The following VCAN variants were observed in gnomAD, a reference collection of about 807,000 sequenced individuals.
VCAN encodes the protein versican, also known as versican core protein.
Under a neutral mutation model 245.5 loss-of-function variants are expected in VCAN, and 44 were observed. The observed-to-expected ratio is 0.18, with a 90% CI of 0.14 to 0.23. The LOEUF is 0.23. Ranked by LOEUF, VCAN falls within the 10% of genes least tolerant of loss-of-function variation. VCAN has a pLI of 1.00. For missense variants in VCAN, 3,793 were observed against 4,057.9 expected (o/e 0.93, Z 1.77); for synonymous variants, 1,413 against 1,437.0 (o/e 0.98, Z 0.38).
intron 3 of VCAN, 104 bp downstream of exon 3, chr5:83,490,576 G>C: frequency 6.6e-7 from 1 of 1,518,656 alleles, no homozygotes. Context: ...GTTTGGATGA[G>C]CGGAAAAACA....
chr5:83,498,700 A>G (rs558736255), intron 5 of VCAN, among the ~76,000 whole-genome samples: 21 of 152,340 alleles, frequency 1.4e-4, no homozygotes, highest in African/African-American at 4.8e-4. Context: ...TTGCATGTTT[A>G]GCTCCTGAAT....
intron 12 of VCAN, among the ~76,000 whole-genome samples, chr5:83,564,225 A>G (rs1331401694): frequency 1.3e-5 from 2 of 152,106 alleles, no homozygotes; most frequent in Non-Finnish European, 2.9e-5. Flanking sequence ...GGAGTACATA[A>G]TTACGATTTT....
chr5:83,528,973 G>A (rs1746408255), intron 7 of VCAN, among the ~76,000 whole-genome samples: 1 of 128,956 alleles, frequency 7.8e-6, no homozygotes, highest in Admixed American at 8.4e-5. Context: ...AAATCACAGG[G>A]TTTATGAAAC....
At chr5:83,496,280 C>T (rs1745159327) in intron 5 of VCAN, among the ~76,000 whole-genome samples, 1 of 152,208 alleles carries the variant, frequency 6.6e-6, no homozygotes, top group South Asian at 2.1e-4. Context: ...CTCCCACTTC[C>T]ATAAACACAA....
At chr5:83,547,854 A>C in intron 9 of VCAN, 117 bp from the exon 10 acceptor site, 1 of 782,434 alleles carries the variant, frequency 1.3e-6, no homozygotes, top group Non-Finnish European at 2.2e-6. Flanking sequence ...ACTTTTTTTA[A>C]AATCTGAAAT....
chr5:83,556,115 A>G (rs1747656998), intron 12 of VCAN, among the ~76,000 whole-genome samples: 1 of 152,202 alleles, frequency 6.6e-6, no homozygotes, highest in South Asian at 2.1e-4. Context: ...CACACTACTC[A>G]CTTTATCTAT....
chr5:83,476,963 A>C (rs1580591117), intron 1 of VCAN, among the ~76,000 whole-genome samples: 1 of 152,300 alleles, frequency 6.6e-6, no homozygotes, highest in East Asian at 1.9e-4. Context: ...TTTTACAATA[A>C]ACATATTTGA....
At chr5:83,560,413 G>A (rs1747824500) in intron 12 of VCAN, among the ~76,000 whole-genome samples, 2 of 152,032 alleles carry the variant, frequency 1.3e-5, no homozygotes, top group African/African-American at 2.4e-5. Context: ...AATATTATCA[G>A]CTCATTTTAC....
chr5:83,565,076 CA>C (rs1418944215), intron 12 of VCAN, among the ~76,000 whole-genome samples: 1 of 152,106 alleles, frequency 6.6e-6, no homozygotes, highest in Non-Finnish European at 1.5e-5. Context: ...TTTGCCGCCC[CA>C]GTTATACATG....
rs553376710 is a variant in VCAN, at chr5:83,540,514, G to A, written c.7511G>A (p.Ser2504Asn). 3.7e-6 allele frequency: 6 copies of A among 1,613,902 alleles called. No homozygotes were observed. The South Asian group carries it at 6.6e-5, about 18-fold the overall frequency. Residue 2504 changes from serine (S) to asparagine (N), a missense_variant, in exon 8 of 15, where the codon AGC becomes AAC. Ser to Asn is a conservative substitution (Grantham distance 46, BLOSUM62 1). Coordinates refer to ENST00000265077, the MANE Select transcript of VCAN (RefSeq NM_004385.5). The stretch of plus-strand genomic sequence containing the variant: ...AACAAAAGCTCCCCTGATCCAACTA[G>A]CACACTGTCAAATACAGTGTCATAT... ...EQNKSSPDPT[S>N]TLSNTVSYER...
chr5:83,526,174 A>G (rs1447570860), intron 7 of VCAN, among the ~76,000 whole-genome samples: 3 of 152,082 alleles, frequency 2.0e-5, no homozygotes, highest in African/African-American at 7.2e-5. Flanking sequence ...TCCTGACCTC[A>G]TGATCCACCT....
In VCAN at chr5:83,554,974, A is replaced by G. The variant is rs1747613538; in HGVS notation, c.9671A>G (p.Gln3224Arg). 1 of 1,613,564 alleles carries G rather than the reference A, an allele frequency of 6.2e-7. No homozygotes were observed. Among genetic ancestry groups the G allele is most frequent in the East Asian group, 2.2e-5 (1 of 44,866 alleles). Reference sequence around the variant, plus strand: ...CCCTTAGGTGTGGGCCATGATTATCAGTGGATAGGCCTCAATGACAAGATG... The same window carrying G: ...CCCTTAGGTGTGGGCCATGATTATCGGTGGATAGGCCTCAATGACAAGATG... ...MFVNRVGHDY[Q>R]WIGLNDKMFE... is the part of the protein sequence containing the mutation. The change falls in exon 12 of 15, where the codon CAG becomes CGG. Residue 3224 changes from glutamine (Q) to arginine (R), a missense_variant. Around this residue, in one of 5 missense-constraint regions of VCAN, gnomAD observed 205 missense variants for 321.1 expected, o/e 0.64. Coordinates refer to ENST00000265077, the MANE Select transcript of VCAN (RefSeq NM_004385.5).
chr5:83,516,295 T>A (rs1002142770), intron 6 of VCAN, among the ~76,000 whole-genome samples: 2 of 151,786 alleles, frequency 1.3e-5, no homozygotes, highest in Non-Finnish European at 2.9e-5. Flanking sequence ...AAAAAAAAAA[T>A]TATATATATA....
At chr5:83,565,600 A>T (rs1252990528) in intron 12 of VCAN, among the ~76,000 whole-genome samples, 2 of 152,192 alleles carry the variant, frequency 1.3e-5, no homozygotes, top group Non-Finnish European at 2.9e-5. Context: ...CTTCTAGAGA[A>T]CCAGTGCTCA....
Position 83,539,637 on chromosome 5 carries a change from G to A in VCAN, c.6634G>A (p.Val2212Ile). The A allele has an allele frequency of 6.2e-7, 1 of 1,614,034 alleles. No homozygotes were observed. Among genetic ancestry groups the A allele is most frequent in the Middle Eastern group, 1.7e-4 (1 of 6,060 alleles). Residue 2212 changes from valine (V) to isoleucine (I), a missense_variant, in exon 8 of 15, where the codon GTA (valine) becomes ATA (isoleucine). Coordinates refer to ENST00000265077, the MANE Select transcript of VCAN (RefSeq NM_004385.5). Reference protein sequence around the residue: ...KSHFFLATALVTESIPAEHVV... With the variant: ...KSHFFLATALITESIPAEHVV... ...ACATTTTTTCTTAGCTACTGCATTA[G>A]TAACTGAATCTATACCAGCTGAACA...
rs763776333 is a variant in VCAN, at chr5:83,572,452, T to C, written c.9772T>C (p.Phe3258Leu). The C allele has an allele frequency of 1.5e-5, 25 of 1,613,860 alleles. No individual in the cohort carries two copies. Among genetic ancestry groups the C allele is most frequent in the African/African-American group, 2.7e-5 (2 of 74,914 alleles). ...TTGGAGACCCAACCAGCCAGACAGC[T>C]TCTTTTCTGCTGGAGAAGACTGTGT... The part of the protein sequence containing the change: ...ENWRPNQPDS[F>L]FSAGEDCVVI... Residue 3258 changes from phenylalanine to leucine, a missense_variant, in exon 13 of 15, where the codon TTC (phenylalanine) becomes CTC (leucine). This residue lies in a region of VCAN where 205 missense variants were observed against 321.1 expected (regional missense o/e 0.64). Coordinates refer to ENST00000265077, the MANE Select transcript of VCAN (RefSeq NM_004385.5).
Position 83,541,527 on chromosome 5 carries a change from G to C in VCAN, c.8524G>C (p.Glu2842Gln), listed in dbSNP as rs767433115. 3.1e-6 allele frequency: 5 copies of C among 1,614,008 alleles called. No homozygotes were observed. In the Admixed American group the frequency reaches 5.0e-5, roughly 16 times the overall value. ...YSGSEASGHT[E>Q]IPQPSALPGI... ...AGGCAGTGAAGCCTCTGGACACACA[G>C]AGATCCCCCAGCCCAGTGCTCTGCC... is the stretch of plus-strand genomic sequence containing the variant. Residue 2842 changes from glutamate to glutamine, a missense_variant, in exon 8 of 15, where the codon GAG becomes CAG. Coordinates refer to ENST00000265077, the MANE Select transcript of VCAN (RefSeq NM_004385.5).
At position 83,540,520 on chromosome 5, in the gene VCAN, T is replaced by G; in HGVS notation, c.7517T>G (p.Leu2506Arg). 1 of 1,613,966 alleles carries G rather than the reference T, an allele frequency of 6.2e-7. No homozygotes were observed. Among genetic ancestry groups the G allele is most frequent in the Non-Finnish European group, 8.5e-7 (1 of 1,179,948 alleles). ...AGCTCCCCTGATCCAACTAGCACAC[T>G]GTCAAATACAGTGTCATATGAGAGG... ...NKSSPDPTST[L>R]SNTVSYERST... Residue 2506 changes from leucine to arginine, a missense_variant, in exon 8 of 15, where the codon CTG (leucine) becomes CGG (arginine). Leu to Arg is a moderately radical substitution (Grantham distance 102). This residue lies in a region of VCAN where 3,182 missense variants were observed against 3,250.3 expected (regional missense o/e 0.98). Transcript: ENST00000265077.
rs371754776 is a variant in VCAN at position 83,572,367 on chromosome 5, C to T, written c.9736-49C>T. On this transcript the variant is annotated intron_variant, in intron 12 of 14. Coordinates refer to ENST00000265077, the MANE Select transcript of VCAN (RefSeq NM_004385.5). Reference sequence around the variant, plus strand: ...TGATATAATACCGTCGTTGCTCTTACGTTACTTTTTGACTAGCAAGTAGTT... The same window carrying T: ...TGATATAATACCGTCGTTGCTCTTATGTTACTTTTTGACTAGCAAGTAGTT... 7.5e-6 allele frequency: 12 copies of T among 1,608,614 alleles called. No individual in the cohort carries two copies. In the Middle Eastern group the frequency reaches 4.9e-4, roughly 66 times the overall value.
Sources: gnomAD v4.1 joint callset for allele counts (sites outside exome capture counted in the v4.1 genomes callset) on GRCh38, gnomAD v4.1.1 for gene constraint, gnomAD v4.1.1 regional missense constraint, MANE v1.5 for transcripts, NCBI Gene and HGNC (gene_info 2026-07-23, HGNC 2026-07-21) for gene names.